STPG4: variants seen among roughly 807,000 people sequenced by gnomAD.
STPG4 encodes protein STPG4.
A neutral mutation model predicts 31.5 loss-of-function variants in STPG4; 41 were observed. That is an observed-to-expected ratio of 1.30 (90% CI 1.01 to 1.69). The LOEUF is 1.69. Among genes scored for constraint, STPG4 ranks in the 40% most tolerant of loss-of-function variants. The pLI is 0.00. For synonymous variants in STPG4, 141 were observed against 103.0 expected (o/e 1.37, Z -2.24); for missense variants, 375 against 293.4 (o/e 1.28, Z -2.03).
chr2:47,120,342 C>CA (rs1378210258), intron 5 of STPG4, among the ~76,000 whole-genome samples: 1 of 151,630 alleles, frequency 6.6e-6, no homozygotes, highest in East Asian at 1.9e-4. Flanking sequence ...AAAACAAAAA[C>CA]AAAAAACAAA....
At chr2:47,155,113 G>C in intron 1 of STPG4, 58 bp downstream of exon 1, 1 of 1,518,272 alleles carries the variant, frequency 6.6e-7, no homozygotes, top group Non-Finnish European at 9.1e-7. Context: ...GTGGGAAAAG[G>C]GTAGTGGGCC....
At chr2:47,120,518 G>T (rs1463172790) in intron 5 of STPG4, among the ~76,000 whole-genome samples, 4 of 151,904 alleles carry the variant, frequency 2.6e-5, no homozygotes, top group Admixed American at 2.6e-4. Context: ...AGTGAGCTGA[G>T]ATCACGCCAC....
At chr2:47,109,917 ACTG>A (rs1255930910) in intron 5 of STPG4, among the ~76,000 whole-genome samples, 2 of 151,958 alleles carry the variant, frequency 1.3e-5, no homozygotes, top group Non-Finnish European at 2.9e-5. Context: ...TTTAAAGGTG[ACTG>A]AAACAGATCA....
intron 5 of STPG4, among the ~76,000 whole-genome samples, chr2:47,095,482 C>T (rs1000440819): frequency 2.0e-5 from 3 of 152,186 alleles, no homozygotes; most frequent in African/African-American, 7.2e-5. Flanking sequence ...ACTGCCAACA[C>T]CTTGGGCTGG....
At chr2:47,103,831 T>A (rs928709818) in intron 5 of STPG4, among the ~76,000 whole-genome samples, 2 of 151,764 alleles carry the variant, frequency 1.3e-5, no homozygotes, top group African/African-American at 2.4e-5. Context: ...CCGGGTATGT[T>A]TAACTATTGA....
intron 3 of STPG4, among the ~76,000 whole-genome samples, chr2:47,132,692 T>C (rs1156351065): frequency 1.3e-5 from 2 of 152,228 alleles, no homozygotes; most frequent in Non-Finnish European, 2.9e-5. Flanking sequence ...CAATGTCCTA[T>C]TTCCTGATTC....
chr2:47,119,566 T>G (rs1276152622), intron 5 of STPG4, among the ~76,000 whole-genome samples: 1 of 152,224 alleles, frequency 6.6e-6, no homozygotes, highest in African/African-American at 2.4e-5. Context: ...TCAAAGGAAA[T>G]ACAATATCAT....
chr2:47,123,748 T>G (rs1040982323), intron 5 of STPG4, among the ~76,000 whole-genome samples: 15 of 152,168 alleles, frequency 9.9e-5, no homozygotes, highest in Admixed American at 8.5e-4. Flanking sequence ...TCTACTATGA[T>G]GAGCAAAATG....
At chr2:47,153,470 A>G (rs1686974856) in intron 1 of STPG4, among the ~76,000 whole-genome samples, 1 of 152,238 alleles carries the variant, frequency 6.6e-6, no homozygotes. Context: ...AAAGCATTGT[A>G]TGCCAGATGT....
chr2:47,094,929 AGG>A (rs1174707347), intron 5 of STPG4, among the ~76,000 whole-genome samples: 1 of 152,202 alleles, frequency 6.6e-6, no homozygotes, highest in Admixed American at 6.5e-5. Context: ...ACTCCTCCCC[AGG>A]GCTGGGAGGC....
At chr2:47,100,691 T>C (rs1286250745) in intron 5 of STPG4, among the ~76,000 whole-genome samples, 1 of 151,532 alleles carries the variant, frequency 6.6e-6, no homozygotes, top group South Asian at 2.1e-4. Flanking sequence ...ACCGCGAAGG[T>C]CTGCAGCTTC....
chr2:47,116,775 A>G (rs767801033), intron 5 of STPG4, among the ~76,000 whole-genome samples: 1 of 152,210 alleles, frequency 6.6e-6, no homozygotes, highest in Non-Finnish European at 1.5e-5. Flanking sequence ...GAGCTTATGC[A>G]TTTAGAAGAG....
At chr2:47,131,107 C>A (rs1041295495) in intron 3 of STPG4, among the ~76,000 whole-genome samples, 1 of 148,758 alleles carries the variant, frequency 6.7e-6, no homozygotes, top group Non-Finnish European at 1.5e-5. Flanking sequence ...AGCCACTGTA[C>A]CTGACCTGAT....
intron 5 of STPG4, 33 bp from the exon 6 acceptor site, chr2:47,090,407 AT>A: frequency 7.5e-7 from 1 of 1,336,416 alleles, no homozygotes; most frequent in Non-Finnish European, 1.1e-6. Context: ...CTTCATTATT[AT>A]TGTACATTTG....
intron 5 of STPG4, among the ~76,000 whole-genome samples, chr2:47,092,762 CAGA>C (rs1317152871): frequency 6.6e-6 from 1 of 150,640 alleles, no homozygotes; most frequent in Non-Finnish European, 1.5e-5. Flanking sequence ...ACAGTTTTCG[CAGA>C]AGAAGCACTG....
chr2:47,091,799 T>G (rs1320381947), intron 5 of STPG4, among the ~76,000 whole-genome samples: 1 of 152,172 alleles, frequency 6.6e-6, no homozygotes, highest in African/African-American at 2.4e-5. Context: ...ATTCCAGTTT[T>G]AGGCATTCAC....
At chr2:47,131,542 G>A (rs1686484467) in intron 3 of STPG4, among the ~76,000 whole-genome samples, 1 of 152,198 alleles carries the variant, frequency 6.6e-6, no homozygotes, top group Admixed American at 6.5e-5. Context: ...GAGAGCTACG[G>A]TCCCTGACCA....
chr2:47,093,730 C>T (rs1685618344), intron 5 of STPG4, among the ~76,000 whole-genome samples: 1 of 152,200 alleles, frequency 6.6e-6, no homozygotes, highest in South Asian at 2.1e-4. Flanking sequence ...ATCACAGGGA[C>T]TAAGATGTGC....
At chr2:47,087,373 G>A (rs1216072130) in intron 6 of STPG4, among the ~76,000 whole-genome samples, 1 of 152,226 alleles carries the variant, frequency 6.6e-6, no homozygotes, top group Non-Finnish European at 1.5e-5. Context: ...GCCAAGCCAG[G>A]GGCCACCTAG....
Sources: allele counts gnomAD v4.1 joint callset (sites outside exome capture counted in the v4.1 genomes callset), GRCh38; gene constraint gnomAD v4.1.1; transcripts MANE v1.5; gene names NCBI Gene and HGNC (gene_info 2026-07-23, HGNC 2026-07-21).